Variants in NRAP observed in about 807,000 individuals in gnomAD.
NRAP encodes the protein nebulin-related-anchoring protein.
A neutral mutation model predicts 225.9 loss-of-function variants in NRAP; 189 were observed. The ratio of observed to expected loss-of-function variants is 0.84; its 90% CI spans 0.74 to 0.94. NRAP has a LOEUF of 0.94. Ranked by LOEUF, NRAP falls within the 40% of genes least tolerant of loss-of-function variation. NRAP has a pLI of 0.00. For missense variants in NRAP, 2,176 were observed against 2,168.7 expected (o/e 1.00, Z -0.07); for synonymous variants, 769 against 790.7 (o/e 0.97, Z 0.46).
chr10:113,655,639 A>G (rs1335175151), intron 4 of NRAP, among the ~76,000 whole-genome samples: 1 of 151,884 alleles, frequency 6.6e-6, no homozygotes, highest in African/African-American at 2.4e-5. Flanking sequence ...TATTTTTAGT[A>G]GAGATGGGCC....
Position 113,610,511 on chromosome 10 carries a change from G to A in NRAP, c.3551C>T (p.Pro1184Leu). The A allele has an allele frequency of 1.2e-6, 2 of 1,605,508 alleles. No individual in the cohort carries two copies. Among genetic ancestry groups the A allele is most frequent in the Non-Finnish European group, 1.7e-6 (2 of 1,172,112 alleles). Residue 1184 changes from proline to leucine, a missense_variant, in exon 31 of 42, where the codon CCA (proline) becomes CTA (leucine). Around this residue, in one of 3 missense-constraint regions of NRAP, gnomAD observed 1,708 missense variants for 1,695.5 expected, o/e 1.01. Coordinates refer to ENST00000359988, the MANE Select transcript of NRAP (RefSeq NM_198060.4). ...CCTCCCTTCAATCTCTAACGTGCCT[G>A]GAATGACACATGCAACACCTCGCAT... ...NFMRGVACVI[P>L]GTLEIEGRKK... is the part of the protein sequence containing the mutation.
Position 113,622,165 on chromosome 10 carries a change from C to T in NRAP, c.2473G>A (p.Asp825Asn). Reference protein sequence around the residue: ...DLASEVKYKEDYERSRGKLIG... With the variant: ...DLASEVKYKENYERSRGKLIG... Reference sequence around the variant, plus strand: ...AGCTTCCCTCTGGATCTCTCATAATCCTCCTTGTACTTCACCTAAATAAGA... The same window carrying T: ...AGCTTCCCTCTGGATCTCTCATAATTCTCCTTGTACTTCACCTAAATAAGA... Residue 825 changes from aspartate (D) to asparagine (N), a missense_variant, in exon 24 of 42, where the codon GAT becomes AAT. By Grantham distance (23) the Asp-to-Asn change is conservative. Around this residue, in one of 3 missense-constraint regions of NRAP, gnomAD observed 1,708 missense variants for 1,695.5 expected, o/e 1.01. Coordinates refer to ENST00000359988, the MANE Select transcript of NRAP (RefSeq NM_198060.4). 6.2e-7 allele frequency: 1 copy of T among 1,611,712 alleles called. No homozygotes were observed. Among genetic ancestry groups the T allele is most frequent in the East Asian group, 2.2e-5 (1 of 44,860 alleles).
chr10:113,642,744 T>C (rs1172001059), intron 12 of NRAP, among the ~76,000 whole-genome samples, 190 bp downstream of exon 12: 2 of 152,202 alleles, frequency 1.3e-5, no homozygotes, highest in African/African-American at 4.8e-5. Flanking sequence ...AGATTGGGGA[T>C]GTGACAGAAT....
intron 35 of NRAP, among the ~76,000 whole-genome samples, chr10:113,598,806 T>C (rs1846434557): frequency 6.6e-6 from 1 of 152,252 alleles, no homozygotes; most frequent in African/African-American, 2.4e-5. Flanking sequence ...GATTTGTTTA[T>C]ATTCCAAAAA....
intron 30 of NRAP, among the ~76,000 whole-genome samples, chr10:113,610,956 G>A (rs1464048467): frequency 1.3e-5 from 2 of 152,190 alleles, no homozygotes; most frequent in Non-Finnish European, 2.9e-5. Context: ...CAGCAGCAGC[G>A]GGTGGCATTA....
chr10:113,641,352 T>C lies in NRAP; in HGVS notation c.1323+13A>G. Reference sequence around the variant, plus strand: ...CACTCCATCCCAACAGACCCTGGCATAAAAGGACTCACGTTGCTTGCCAGG... The same window carrying C: ...CACTCCATCCCAACAGACCCTGGCACAAAAGGACTCACGTTGCTTGCCAGG... On this transcript the variant is annotated intron_variant, in intron 13 of 41. Transcript: ENST00000359988. 1.3e-6 allele frequency: 2 copies of C among 1,565,016 alleles called. No individual in the cohort carries two copies. Among genetic ancestry groups the C allele is most frequent in the Non-Finnish European group, 1.8e-6 (2 of 1,135,640 alleles).
In NRAP at chr10:113,590,745, G is replaced by A. The variant is rs142083153; in HGVS notation, c.4789C>T (p.Arg1597Trp). 7.4e-6 allele frequency: 12 copies of A among 1,614,232 alleles called. No homozygotes were observed. The South Asian group carries it at 8.8e-5, about 12-fold the overall frequency. The change falls in exon 40 of 42, where the codon CGG becomes TGG. Residue 1597 changes from arginine (R) to tryptophan (W), a missense_variant. By Grantham distance (101) the Arg-to-Trp change is moderately radical. This residue lies in a region of NRAP where 445 missense variants were observed against 426.1 expected (regional missense o/e 1.04). Transcript: ENST00000359988. ...TCTGTGCTGCTGTGAAACTGGGACC[G>A]ACTCTTGGCAAAGTCCTTCTTGTAC... ...NEYKKDFAKS[R>W]SQFHSSTDQP... is the part of the protein sequence containing the mutation.
chr10:113,612,807 C>T (rs1288450916), intron 29 of NRAP, among the ~76,000 whole-genome samples: 1 of 152,176 alleles, frequency 6.6e-6, no homozygotes, highest in Non-Finnish European at 1.5e-5. Context: ...TTTCCCATCG[C>T]CCACTCAAGT....
At chr10:113,648,122 C>T (rs569506468) in intron 9 of NRAP, among the ~76,000 whole-genome samples, 16 of 151,842 alleles carry the variant, frequency 1.1e-4, no homozygotes, top group East Asian at 3.9e-4. Flanking sequence ...ATTAGGCTCA[C>T]GACTCCATCT....
intron 9 of NRAP, among the ~76,000 whole-genome samples, chr10:113,648,467 CTATATATA>C (rs1554867329): frequency 1.1e-5 from 1 of 87,360 alleles, no homozygotes; most frequent in African/African-American, 4.5e-5. Context: ...CTCTCTCTCT[CTATATATA>C]TATATATATA....
chr10:113,613,320 T>C (rs1288415544), intron 29 of NRAP, among the ~76,000 whole-genome samples: 1 of 152,000 alleles, frequency 6.6e-6, no homozygotes, highest in African/African-American at 2.4e-5. Context: ...CACGTGAAGC[T>C]GTGGAAAGAC....
intron 7 of NRAP, among the ~76,000 whole-genome samples, chr10:113,651,151 G>C (rs1292482687): frequency 6.6e-6 from 1 of 152,078 alleles, no homozygotes; most frequent in Admixed American, 6.5e-5. Flanking sequence ...TTTTTGCAAG[G>C]TCTCTGCTAA....
chr10:113,604,438 T>A (rs982505887), intron 35 of NRAP, among the ~76,000 whole-genome samples, 171 bp downstream of exon 35: 10 of 152,190 alleles, frequency 6.6e-5, no homozygotes, highest in Non-Finnish European at 7.3e-5. Context: ...GTTGAATGAT[T>A]CAATGAATGA....
chr10:113,608,771 A>G (rs916037183), intron 31 of NRAP, among the ~76,000 whole-genome samples: 1 of 152,202 alleles, frequency 6.6e-6, no homozygotes, highest in African/African-American at 2.4e-5. Flanking sequence ...GAATGTGAAC[A>G]TGACTATTTA....
intron 41 of NRAP, 89 bp downstream of exon 41, chr10:113,589,577 G>T: frequency 1.3e-6 from 2 of 1,489,524 alleles, no homozygotes; most frequent in Non-Finnish European, 1.8e-6. Context: ...GCTGACCTTT[G>T]GCCAAAAATA....
intron 1 of NRAP, 49 bp downstream of exon 1, chr10:113,663,762 A>G (rs772762767): frequency 4.5e-6 from 6 of 1,336,956 alleles, no homozygotes; most frequent in South Asian, 2.4e-5. Flanking sequence ...GAGAAGGTCA[A>G]TTTCCTGTGT....
rs186172374 is a variant in NRAP at position 113,588,734 on chromosome 10, A to G, written c.*241T>C. On this transcript the variant is annotated 3_prime_UTR_variant, in exon 42 of 42. Transcript: ENST00000359988. ...CAGCATCAGCGGGAACCACCATCAC[A>G]TCTTTATTCCTCAGCCCAGACACTC... 4 of 557,040 alleles carry G rather than the reference A, an allele frequency of 7.2e-6. No homozygotes were observed. In the Admixed American group the frequency reaches 1.3e-4, roughly 19 times the overall value. The allele number at this position is 557,040 out of a possible 1,614,324, so 34.5% of individuals were successfully genotyped here.
Position 113,597,982 on chromosome 10 carries a change from T to G in NRAP, c.4319A>C (p.Glu1440Ala). Residue 1440 changes from glutamate (E) to alanine (A), a missense_variant, in exon 36 of 42, where the codon GAA becomes GCA. Glu to Ala is a moderately radical substitution (Grantham distance 107, BLOSUM62 -1). Around this residue, in one of 3 missense-constraint regions of NRAP, gnomAD observed 445 missense variants for 426.1 expected, o/e 1.04. Transcript: ENST00000359988. ...GGTTGATGGTACCTCGCTGATGAGT[T>G]CTCCAGCCTTCTTTGCACTCTCCAT... ...PQMESAKKAG[E>A]LISETKYRKK... 5 of 1,612,010 alleles carry G rather than the reference T, an allele frequency of 3.1e-6. No individual in the cohort carries two copies. Among genetic ancestry groups the G allele is most frequent in the Non-Finnish European group, 4.2e-6 (5 of 1,178,286 alleles).
At chr10:113,590,958 G>A in intron 39 of NRAP, 69 bp from the exon 40 acceptor site, 4 of 1,385,404 alleles carry the variant, frequency 2.9e-6, no homozygotes, top group Non-Finnish European at 4.0e-6. Context: ...CACATATGGG[G>A]CCATCCCAGG....
Sources: allele counts gnomAD v4.1 joint callset (sites outside exome capture counted in the v4.1 genomes callset), GRCh38; gene constraint gnomAD v4.1.1; regional missense constraint gnomAD v4.1.1; transcripts MANE v1.5; gene names NCBI Gene and HGNC (gene_info 2026-07-23, HGNC 2026-07-21).